Variants in NXPE2 observed in about 807,000 individuals in gnomAD.
NXPE2 encodes the protein neurexophilin and PC-esterase domain family member 2.
In NXPE2, 34 loss-of-function variants were observed where a neutral mutation model predicts 34.4. The observed-to-expected ratio is 0.99, with a 90% confidence interval of 0.75 to 1.31. NXPE2 has a LOEUF of 1.31. NXPE2 is among the 40% of genes most tolerant of loss of function. The probability of loss-of-function intolerance (pLI) is 0.00; values close to 1 mark genes in which losing one functional copy is unlikely to be tolerated. For synonymous variants in NXPE2, 235 were observed against 231.3 expected (o/e 1.02, Z -0.15); for missense variants, 649 against 672.5 (o/e 0.97, Z 0.39).
At chr11:114,648,636 G>C in the NXPE2 span, among the ~76,000 whole-genome samples, 1 of 152,108 alleles carries the variant, frequency 6.6e-6, no homozygotes, top group Non-Finnish European at 1.5e-5. Context: ...CACTTGTCAA[G>C]TTAGCACCCA....
chr11:114,532,693 TTC>T, the NXPE2 span, among the ~76,000 whole-genome samples: 2 of 152,160 alleles, frequency 1.3e-5, no homozygotes, highest in African/African-American at 4.8e-5. Flanking sequence ...GACTTTTAAA[TTC>T]TCTGTCTCTT....
chr11:114,580,380 A>T, the NXPE2 span: 2 of 1,556,062 alleles, frequency 1.3e-6, no homozygotes, highest in South Asian at 2.2e-5. Flanking sequence ...AAAACATCAA[A>T]TTACCCGTCA....
the NXPE2 span, among the ~76,000 whole-genome samples, chr11:114,623,773 G>A: frequency 1.3e-5 from 2 of 151,910 alleles, no homozygotes; most frequent in East Asian, 1.9e-4. Flanking sequence ...ATGTTGCCTC[G>A]TGGGTTACCA....
At chr11:114,761,541 C>G in the NXPE2 span, among the ~76,000 whole-genome samples, 1 of 149,238 alleles carries the variant, frequency 6.7e-6, no homozygotes, top group Non-Finnish European at 1.5e-5. Flanking sequence ...TTGCCCTTTT[C>G]CTTGTCCCTA....
At chr11:114,625,600 G>A in the NXPE2 span, among the ~76,000 whole-genome samples, 2 of 152,188 alleles carry the variant, frequency 1.3e-5, no homozygotes, top group Non-Finnish European at 1.5e-5. Flanking sequence ...GTTATCTGGT[G>A]GATAATAAAT....
the NXPE2 span, among the ~76,000 whole-genome samples, chr11:114,556,717 A>G: frequency 4.6e-5 from 7 of 151,930 alleles, no homozygotes; most frequent in Non-Finnish European, 1.0e-4. Context: ...CCAGAGTTTA[A>G]TACTGTTCTA....
At chr11:114,645,241 C>T in the NXPE2 span, among the ~76,000 whole-genome samples, 8 of 152,068 alleles carry the variant, frequency 5.3e-5, no homozygotes, top group African/African-American at 1.7e-4. Context: ...GCAGAAGCTG[C>T]AGTGAGCTGA....
chr11:114,537,590 A>G, the NXPE2 span, among the ~76,000 whole-genome samples: 5 of 152,226 alleles, frequency 3.3e-5, no homozygotes, highest in Non-Finnish European at 7.3e-5. Flanking sequence ...AAGTCTCAGG[A>G]TACAAAATCA....
At chr11:114,748,702 C>G in the NXPE2 span, among the ~76,000 whole-genome samples, 1 of 152,270 alleles carries the variant, frequency 6.6e-6, no homozygotes, top group East Asian at 1.9e-4. Context: ...GACACAGATT[C>G]CAATTTTTTC....
chr11:114,757,696 C>T, the NXPE2 span, among the ~76,000 whole-genome samples: 294 of 152,190 alleles, frequency 1.9e-3, no homozygotes, highest in African/African-American at 6.9e-3. Context: ...TGTTGCATCT[C>T]CAGTTGTATT....
the NXPE2 span, among the ~76,000 whole-genome samples, chr11:114,651,047 T>C: frequency 4.3e-3 from 653 of 152,086 alleles, 2 homozygotes; most frequent in African/African-American, 0.015. Flanking sequence ...ACATTGAAGG[T>C]AATAATATAA....
At chr11:114,622,412 C>T in the NXPE2 span, among the ~76,000 whole-genome samples, 98 of 152,030 alleles carry the variant, frequency 6.4e-4, no homozygotes, top group South Asian at 2.5e-3. Context: ...CACTGTTACC[C>T]GGTGTATAAT....
chr11:114,606,891 G>A, the NXPE2 span, among the ~76,000 whole-genome samples: 1 of 151,996 alleles, frequency 6.6e-6, no homozygotes, highest in African/African-American at 2.4e-5. Flanking sequence ...TGCCTCATGG[G>A]TAACCACTGT....
At chr11:114,634,957 G>C in the NXPE2 span, among the ~76,000 whole-genome samples, 1 of 151,872 alleles carries the variant, frequency 6.6e-6, no homozygotes, top group Admixed American at 6.6e-5. Flanking sequence ...GCCCTTTTTT[G>C]GTTCCATATG....
chr11:114,612,722 G>A, the NXPE2 span, among the ~76,000 whole-genome samples: 2 of 150,696 alleles, frequency 1.3e-5, no homozygotes, highest in East Asian at 4.0e-4. Flanking sequence ...GTGTTGCCTC[G>A]TGGGTAACCA....
At chr11:114,528,217 A>G in the NXPE2 span, among the ~76,000 whole-genome samples, 2 of 152,110 alleles carry the variant, frequency 1.3e-5, no homozygotes, top group African/African-American at 4.8e-5. Flanking sequence ...CACATCTCCT[A>G]TTCAAGTTTG....
the NXPE2 span, among the ~76,000 whole-genome samples, chr11:114,760,004 A>ATTTTTTT: frequency 6.6e-6 from 1 of 150,452 alleles, no homozygotes; most frequent in Non-Finnish European, 1.5e-5. Flanking sequence ...AACACCCTTG[A>ATTTTTTT]TTTTTTTTTT....
the NXPE2 span, among the ~76,000 whole-genome samples, chr11:114,809,144 C>A: frequency 2.0e-5 from 3 of 151,968 alleles, no homozygotes; most frequent in Admixed American, 6.6e-5. Flanking sequence ...AATTCAACAA[C>A]CCTTCATGCT....
At chr11:114,647,210 T>G in the NXPE2 span, among the ~76,000 whole-genome samples, 1 of 152,236 alleles carries the variant, frequency 6.6e-6, no homozygotes, top group African/African-American at 2.4e-5. Flanking sequence ...ACCTTCTACA[T>G]TCGTAGATTT....
Sources: gnomAD v4.1 joint callset for allele counts (sites outside exome capture counted in the v4.1 genomes callset) on GRCh38, gnomAD v4.1.1 for gene constraint, MANE v1.5 for transcripts, NCBI Gene and HGNC (gene_info 2026-07-23, HGNC 2026-07-21) for gene names.